LINC00632: variants seen among roughly 807,000 people sequenced by gnomAD.
LINC00632 encodes the protein ALDOA related specific transcript.
chrX:140,780,577 G>A, exon 5 of LINC00632, among the ~76,000 whole-genome samples: 1 of 111,354 alleles, frequency 9.0e-6, no homozygotes, highest in Non-Finnish European at 1.9e-5. Flanking sequence ...AGAAAATTAG[G>A]TAACTGTGAT....
At chrX:140,731,105 A>G (rs1317228204) in intron 2 of LINC00632, among the ~76,000 whole-genome samples, 1 of 110,738 alleles carries the variant, frequency 9.0e-6, no homozygotes, top group East Asian at 2.8e-4. Flanking sequence ...GTTTCATCAT[A>G]TTGGCCAGGC....
chrX:140,758,964 C>CTTTT (rs146312064), intron 3 of LINC00632, among the ~76,000 whole-genome samples: 1 of 78,972 alleles, frequency 1.3e-5, no homozygotes, highest in African/African-American at 4.8e-5. Flanking sequence ...CTTTTCTTTT[C>CTTTT]TTTTTTTTTT....
rs1174071511 is a variant in LINC00632, at chrX:140,771,702, C to T, written n.192-376C>T. 6.3e-5 allele frequency among the ~76,000 whole-genome samples: 5 copies of T among 79,373 alleles called. No individual in the cohort carries two copies. The East Asian group carries it at 1.7e-3, about 27-fold the overall frequency. 68.9% of individuals were successfully genotyped at this position (79,373 alleles called of 115,157 possible). ...ATATATATATTTTTTTTTTTTGAGACGGAATCTTACTCTGTCACCCAGGCT... is the reference window on the plus strand; with the variant it reads ...ATATATATATTTTTTTTTTTTGAGATGGAATCTTACTCTGTCACCCAGGCT... On this transcript the variant is annotated intron_variant and non_coding_transcript_variant, in intron 3 of 4. Coordinates refer to ENST00000648200, the Ensembl canonical transcript of LINC00632.
chrX:140,724,178 GACACATTCTGTACACACAGAC>G, intron 2 of LINC00632, among the ~76,000 whole-genome samples: 1 of 10,526 alleles, frequency 9.5e-5, no homozygotes, highest in Non-Finnish European at 2.3e-4. Context: ...CACATACACA[GACACATTCTGTACACACAGAC>G]ACACATTCCA....
chrX:140,759,394 T>C (rs1173527118), intron 3 of LINC00632, among the ~76,000 whole-genome samples: 1 of 107,309 alleles, frequency 9.3e-6, no homozygotes, highest in Non-Finnish European at 1.9e-5. Flanking sequence ...TCTCACTCTG[T>C]TGCCCAGGCT....
At chrX:140,710,924 C>T (rs989387596) in intron 1 of LINC00632, among the ~76,000 whole-genome samples, 1 of 111,129 alleles carries the variant, frequency 9.0e-6, no homozygotes, top group Non-Finnish European at 1.9e-5. Context: ...CAGAGCACTG[C>T]GGCAAAGAGA....
chrX:140,770,588 TAACATTGTA>T (rs1931773077), intron 3 of LINC00632, among the ~76,000 whole-genome samples: 9 of 111,873 alleles, frequency 8.0e-5, no homozygotes. Flanking sequence ...AAATTACTGA[TAACATTGTA>T]TATCTATTTG....
chrX:140,758,068 T>C (rs1364126074), intron 3 of LINC00632, among the ~76,000 whole-genome samples: 1 of 111,642 alleles, frequency 9.0e-6, no homozygotes, highest in Admixed American at 9.5e-5. Context: ...CATGATGGCA[T>C]AGGAATGACT....
exon 5 of LINC00632, among the ~76,000 whole-genome samples, chrX:140,776,538 G>T (rs1931874340): frequency 8.9e-6 from 1 of 112,948 alleles, no homozygotes; most frequent in Non-Finnish European, 1.9e-5. Context: ...CGTTACCCAA[G>T]CCCGCGCGTG....
At chrX:140,757,938 T>C (rs952311423) in intron 3 of LINC00632, among the ~76,000 whole-genome samples, 1 of 111,837 alleles carries the variant, frequency 8.9e-6, no homozygotes, top group Non-Finnish European at 1.9e-5. Context: ...TACTTGACAC[T>C]GAGTTGGTTC....
rs1930728234 is a variant in LINC00632, at chrX:140,721,532, A to G, written n.104+9876A>G. ...AGGGTTCACACTCTTGTGAGAATCT[A>G]ATGCTGTAGCTGATCTGACAGGAGG... On this transcript the variant is annotated intron_variant and non_coding_transcript_variant, in intron 2 of 4. Transcript: ENST00000648200. 2.7e-5 allele frequency among the ~76,000 whole-genome samples: 3 copies of G among 111,140 alleles called. No individual in the cohort carries two copies. The South Asian group carries it at 1.2e-3, about 43-fold the overall frequency.
At chrX:140,726,933 G>C (rs1304763428) in intron 2 of LINC00632, among the ~76,000 whole-genome samples, 1 of 111,728 alleles carries the variant, frequency 9.0e-6, no homozygotes, top group African/African-American at 3.3e-5. Context: ...TTGTGCAGCA[G>C]GTCTAAGATG....
chrX:140,758,628 T>C (rs1219804208), intron 3 of LINC00632, among the ~76,000 whole-genome samples: 1 of 112,162 alleles, frequency 8.9e-6, no homozygotes, highest in African/African-American at 3.2e-5. Flanking sequence ...TCCACCCGCC[T>C]TGGACTCCCA....
At chrX:140,734,378 A>G (rs750480346) in intron 3 of LINC00632, among the ~76,000 whole-genome samples, 1 of 111,686 alleles carries the variant, frequency 9.0e-6, no homozygotes, top group East Asian at 2.8e-4. Flanking sequence ...AAATTTTTGC[A>G]TGCAATGAAA....
chrX:140,721,672 C>T (rs776023334), intron 2 of LINC00632, among the ~76,000 whole-genome samples: 4 of 110,586 alleles, frequency 3.6e-5, no homozygotes, highest in Non-Finnish European at 7.6e-5. Context: ...GGGACCCCTG[C>T]CTTACACCAC....
chrX:140,783,800 A>T (rs746947598), exon 5 of LINC00632: 1 of 1,209,173 alleles, frequency 8.3e-7, no homozygotes, highest in Non-Finnish European at 1.1e-6. Flanking sequence ...TCTTCCAGAA[A>T]ATCCATGTCT....
intron 3 of LINC00632, among the ~76,000 whole-genome samples, chrX:140,749,594 A>G (rs1237318332): frequency 1.8e-5 from 2 of 111,283 alleles, no homozygotes. Context: ...GGGAGGAGGA[A>G]AGACAGTGAT....
At chrX:140,765,052 A>C (rs1228587518) in intron 3 of LINC00632, among the ~76,000 whole-genome samples, 4 of 111,830 alleles carry the variant, frequency 3.6e-5, no homozygotes, top group African/African-American at 1.3e-4. Flanking sequence ...TCAAAGTTAT[A>C]GCCAAAATTC....
At chrX:140,759,276 T>TTTTCTTTC (rs201367351) in intron 3 of LINC00632, among the ~76,000 whole-genome samples, 1 of 102,331 alleles carries the variant, frequency 9.8e-6, no homozygotes, top group African/African-American at 3.8e-5. Flanking sequence ...CCCAGGCCTC[T>TTTTCTTTC]TTTCTTTCTT....
Sources: allele counts gnomAD v4.1 joint callset (sites outside exome capture counted in the v4.1 genomes callset), GRCh38; gene constraint gnomAD v4.1.1; transcripts MANE v1.5; gene names NCBI Gene and HGNC (gene_info 2026-07-23, HGNC 2026-07-21).